The following PPFIA2 variants were observed in gnomAD, a reference collection of about 807,000 sequenced individuals.
PPFIA2 encodes PPFI scaffold protein A2.
A neutral mutation model predicts 175.5 loss-of-function variants in PPFIA2; 46 were observed. The observed-to-expected ratio is 0.26, with a 90% confidence interval of 0.21 to 0.34. The LOEUF (loss-of-function observed/expected upper bound fraction) is 0.34, where lower values mean the gene tolerates loss of function less well. PPFIA2 is among the 10% of genes least tolerant of loss of function. PPFIA2 has a pLI of 1.00. For synonymous variants in PPFIA2, 568 were observed against 511.4 expected (o/e 1.11, Z -1.49); for missense variants, 1,179 against 1,506.1 (o/e 0.78, Z 3.60).
intron 13 of PPFIA2, chr12:81,368,279 T>TCCC: frequency 1.6e-6 from 1 of 641,036 alleles, no homozygotes; most frequent in Non-Finnish European, 2.4e-6. Flanking sequence ...CTGGGATTGA[T>TCCC]ACTAGTTCTT....
intron 8 of PPFIA2, among the ~76,000 whole-genome samples, chr12:81,390,640 G>A (rs924531014): frequency 7.3e-5 from 11 of 151,638 alleles, no homozygotes; most frequent in South Asian, 4.2e-4. Flanking sequence ...TTTTATTGTT[G>A]ATTTACATGA....
intron 4 of PPFIA2, among the ~76,000 whole-genome samples, chr12:81,596,047 G>T (rs1479929783): frequency 2.6e-5 from 4 of 151,990 alleles, no homozygotes; most frequent in Non-Finnish European, 5.9e-5. Flanking sequence ...TTGACAAATG[G>T]TCTGTTACTT....
At chr12:81,624,471 T>C (rs1280621202) in intron 4 of PPFIA2, among the ~76,000 whole-genome samples, 5 of 146,964 alleles carry the variant, frequency 3.4e-5, no homozygotes, top group Non-Finnish European at 6.0e-5. Flanking sequence ...CCTGGGCATA[T>C]ATATATATAT....
chr12:81,691,079 A>T (rs558671402), intron 3 of PPFIA2, among the ~76,000 whole-genome samples: 2 of 152,238 alleles, frequency 1.3e-5, no homozygotes, highest in South Asian at 4.1e-4. Context: ...ATGTCCTGGG[A>T]TATAAGATGC....
intron 3 of PPFIA2, among the ~76,000 whole-genome samples, chr12:81,681,023 T>C (rs2073517233): frequency 6.6e-6 from 1 of 151,992 alleles, no homozygotes; most frequent in African/African-American, 2.4e-5. Context: ...GCTGAAACAA[T>C]GGTAGCCTTC....
intron 4 of PPFIA2, among the ~76,000 whole-genome samples, chr12:81,617,713 T>C (rs1405928495): frequency 6.6e-6 from 1 of 152,184 alleles, no homozygotes; most frequent in African/African-American, 2.4e-5. Context: ...TCAGGCAACA[T>C]GGGTGTCGTT....
intron 20 of PPFIA2, 55 bp from the exon 21 acceptor site, chr12:81,339,389 C>A (rs1462274128): frequency 8.9e-6 from 12 of 1,341,204 alleles, no homozygotes; most frequent in Non-Finnish European, 1.1e-5. Context: ...ACACAAAAGT[C>A]ATTTCCTTTA....
chr12:81,483,257 G>C (rs187773490), intron 4 of PPFIA2, among the ~76,000 whole-genome samples: 2 of 152,036 alleles, frequency 1.3e-5, no homozygotes, highest in African/African-American at 4.8e-5. Flanking sequence ...TTTTATATGC[G>C]TGTTCATAGT....
At chr12:81,534,162 G>A (rs1296852526) in intron 4 of PPFIA2, among the ~76,000 whole-genome samples, 1 of 151,616 alleles carries the variant, frequency 6.6e-6, no homozygotes, top group Non-Finnish European at 1.5e-5. Context: ...CAGAGGCTGG[G>A]AAGGGTGTGT....
chr12:81,544,147 G>T (rs573183019), intron 4 of PPFIA2, among the ~76,000 whole-genome samples: 1 of 152,088 alleles, frequency 6.6e-6, no homozygotes, highest in African/African-American at 2.4e-5. Flanking sequence ...TTAATAACAG[G>T]GGAGACTTGG....
At chr12:81,706,722 C>A (rs905356953) in intron 3 of PPFIA2, among the ~76,000 whole-genome samples, 12 of 152,120 alleles carry the variant, frequency 7.9e-5, no homozygotes, top group Non-Finnish European at 1.6e-4. Context: ...ATAGCCAAGA[C>A]AATCCTAAGC....
chr12:81,569,747 C>T (rs1296608058), intron 4 of PPFIA2, among the ~76,000 whole-genome samples: 4 of 152,072 alleles, frequency 2.6e-5, no homozygotes, highest in Admixed American at 2.0e-4. Context: ...TTAATCAATA[C>T]AAGGATACTG....
chr12:81,739,174 C>T (rs1394836914), intron 3 of PPFIA2, among the ~76,000 whole-genome samples: 1 of 151,830 alleles, frequency 6.6e-6, no homozygotes, highest in East Asian at 1.9e-4. Flanking sequence ...TAACACAGAA[C>T]TTTAGATGTG....
intron 15 of PPFIA2, among the ~76,000 whole-genome samples, chr12:81,361,003 A>G (rs2029906194): frequency 6.6e-6 from 1 of 151,656 alleles, no homozygotes; most frequent in African/African-American, 2.4e-5. Flanking sequence ...GCAGCTTGTA[A>G]TTATCTGTGA....
intron 4 of PPFIA2, among the ~76,000 whole-genome samples, chr12:81,587,617 A>C (rs1318983629): frequency 6.6e-6 from 1 of 152,088 alleles, no homozygotes; most frequent in Admixed American, 6.6e-5. Flanking sequence ...ATGGTAGCAA[A>C]GTTAAATATG....
At chr12:81,717,018 T>G (rs2078714084) in intron 3 of PPFIA2, among the ~76,000 whole-genome samples, 1 of 151,588 alleles carries the variant, frequency 6.6e-6, no homozygotes, top group East Asian at 2.0e-4. Context: ...TCTGAAGTAA[T>G]GTAATTGTAA....
chr12:81,516,620 C>A (rs2062479358), intron 4 of PPFIA2, among the ~76,000 whole-genome samples: 1 of 152,072 alleles, frequency 6.6e-6, no homozygotes, highest in South Asian at 2.1e-4. Context: ...AGGGAGAGGT[C>A]ATCTACAACA....
intron 4 of PPFIA2, among the ~76,000 whole-genome samples, chr12:81,670,022 G>A (rs570716052): frequency 6.6e-6 from 1 of 151,954 alleles, no homozygotes; most frequent in Non-Finnish European, 1.5e-5. Flanking sequence ...AGACAAAGCC[G>A]AATTATGACT....
chr12:81,708,755 A>G (rs1256859783), intron 3 of PPFIA2, among the ~76,000 whole-genome samples: 1 of 152,190 alleles, frequency 6.6e-6, no homozygotes, highest in Non-Finnish European at 1.5e-5. Context: ...TCAGGCCACA[A>G]ATACTAATGA....
Sources: allele counts gnomAD v4.1 joint callset (sites outside exome capture counted in the v4.1 genomes callset), GRCh38; gene constraint gnomAD v4.1.1; transcripts MANE v1.5; gene names NCBI Gene and HGNC (gene_info 2026-07-23, HGNC 2026-07-21).